Variants in KCNMA1 observed in about 807,000 individuals in gnomAD.
The protein encoded by KCNMA1 is Calcium-activated potassium channel subunit alpha-1.
A neutral mutation model predicts 140.0 loss-of-function variants in KCNMA1; 29 were observed. The ratio of observed to expected loss-of-function variants is 0.21; its 90% confidence interval spans 0.15 to 0.28. The LOEUF is 0.28. Ranked by LOEUF, KCNMA1 falls within the 10% of genes least tolerant of loss-of-function variation. The pLI is 1.00. For synonymous variants in KCNMA1, 612 were observed against 611.9 expected (o/e 1.00, Z 0.00); for missense variants, 880 against 1,602.2 (o/e 0.55, Z 7.70).
intron 2 of KCNMA1, among the ~76,000 whole-genome samples, chr10:77,300,718 C>G (rs2076330550): frequency 6.6e-6 from 1 of 152,292 alleles, no homozygotes; most frequent in Non-Finnish European, 1.5e-5. Context: ...CTCACTTCTT[C>G]CTGGGTAATT....
chr10:77,151,202 CTCTCTCTT>C (rs966430826), intron 5 of KCNMA1, among the ~76,000 whole-genome samples: 16 of 40,548 alleles, frequency 3.9e-4, no homozygotes, highest in East Asian at 1.2e-3. Flanking sequence ...CTGTCTCTCT[CTCTCTCTT>C]TCTTTCTTTC....
chr10:76,973,332 C>T (rs1239107457), intron 19 of KCNMA1: 1 of 152,564 alleles, frequency 6.6e-6, no homozygotes, highest in Non-Finnish European at 1.5e-5. Flanking sequence ...TTTTGCACAT[C>T]CCTAAGTATA....
At chr10:76,951,815 A>T (rs2066357233) in intron 21 of KCNMA1, among the ~76,000 whole-genome samples, 2 of 152,094 alleles carry the variant, frequency 1.3e-5, no homozygotes, top group South Asian at 4.1e-4. Flanking sequence ...TCATTTGTCT[A>T]CCTAGAGATA....
At chr10:76,952,046 CT>C in intron 21 of KCNMA1, 1 of 1,552,078 alleles carries the variant, frequency 6.4e-7, no homozygotes, top group Non-Finnish European at 8.7e-7. Context: ...CCTCCTTAAA[CT>C]TTTTTATGCT....
At chr10:77,279,762 T>C (rs2154293954) in intron 2 of KCNMA1, among the ~76,000 whole-genome samples, 1 of 152,210 alleles carries the variant, frequency 6.6e-6, no homozygotes, top group Admixed American at 6.5e-5. Context: ...GTCTTTCCCA[T>C]GCTGTTCTCA....
chr10:77,513,545 T>G (rs1005309936), intron 1 of KCNMA1, among the ~76,000 whole-genome samples: 1 of 152,094 alleles, frequency 6.6e-6, no homozygotes, highest in Non-Finnish European at 1.5e-5. Flanking sequence ...AAGTGCTGCA[T>G]AAATGTAAGA....
intron 23 of KCNMA1, among the ~76,000 whole-genome samples, chr10:76,924,457 A>G (rs2057053231): frequency 1.3e-5 from 2 of 152,162 alleles, no homozygotes; most frequent in Admixed American, 1.3e-4. Context: ...TAATTGCTAA[A>G]TTTTCTAAAA....
At chr10:77,008,946 C>T (rs1379233082) in intron 18 of KCNMA1, among the ~76,000 whole-genome samples, 1 of 152,214 alleles carries the variant, frequency 6.6e-6, no homozygotes, top group African/African-American at 2.4e-5. Context: ...ACTTGCCTGA[C>T]CTACATGGGG....
intron 1 of KCNMA1, among the ~76,000 whole-genome samples, chr10:77,613,201 G>C (rs1168674341): frequency 6.6e-6 from 1 of 152,168 alleles, no homozygotes; most frequent in Non-Finnish European, 1.5e-5. Flanking sequence ...GGCCAGCTCA[G>C]AATGTGATAT....
At chr10:77,567,063 C>T (rs1030099576) in intron 1 of KCNMA1, among the ~76,000 whole-genome samples, 10 of 152,112 alleles carry the variant, frequency 6.6e-5, no homozygotes, top group Admixed American at 5.9e-4. Context: ...GAGCTCAGGC[C>T]CTGGGGGAGC....
chr10:77,273,514 G>C (rs1181475233), intron 2 of KCNMA1, among the ~76,000 whole-genome samples: 1 of 152,158 alleles, frequency 6.6e-6, no homozygotes, highest in Non-Finnish European at 1.5e-5. Flanking sequence ...AAATTTTATA[G>C]CAACCTGAAA....
At chr10:77,303,275 C>A (rs1412843458) in intron 2 of KCNMA1, among the ~76,000 whole-genome samples, 1 of 152,026 alleles carries the variant, frequency 6.6e-6, no homozygotes, top group Admixed American at 6.6e-5. Context: ...CTTGTATAGT[C>A]CTTAGGGGAA....
intron 5 of KCNMA1, among the ~76,000 whole-genome samples, chr10:77,132,381 C>A (rs561307782): frequency 3.4e-4 from 52 of 152,164 alleles, no homozygotes; most frequent in Middle Eastern, 6.8e-3. Flanking sequence ...TTTTCCACAT[C>A]CATGTAATTG....
At chr10:77,040,080 A>G (rs1188872082) in intron 14 of KCNMA1, among the ~76,000 whole-genome samples, 2 of 149,800 alleles carry the variant, frequency 1.3e-5, no homozygotes, top group South Asian at 2.1e-4. Context: ...GAGTCTTGCT[A>G]TGTTGCCCAG....
intron 3 of KCNMA1, among the ~76,000 whole-genome samples, chr10:77,185,287 T>G (rs2154128854): frequency 6.6e-6 from 1 of 152,230 alleles, no homozygotes; most frequent in Non-Finnish European, 1.5e-5. Context: ...AACTTCTTTC[T>G]TTCTTTGAGA....
rs766108424 is a variant in KCNMA1 at position 76,891,642 on chromosome 10, C to G, written c.3225G>C (p.Leu1075=). The change falls in exon 26 of 28, where the codon CTG becomes CTC. Residue 1075 remains leucine, a synonymous_variant. Coordinates refer to ENST00000286628, the MANE Select transcript of KCNMA1 (RefSeq NM_001161352.2). ...CTCTAAGGGCGTTTTCCTCAGCAAT[C>G]AGAGCCTCCAGCTCCGGCGTGGCTC... ...TGGATPELEA[L]IAEENALRGG... is the part of the protein sequence containing the mutation. The G allele has an allele frequency of 1.9e-6, 3 of 1,614,044 alleles. No homozygotes were observed. The highest frequency in any genetic ancestry group is 2.5e-6 in the Non-Finnish European group (3 of 1,180,022).
At chr10:77,165,425 A>AT (rs886491865) in intron 5 of KCNMA1, among the ~76,000 whole-genome samples, 18 of 152,192 alleles carry the variant, frequency 1.2e-4, no homozygotes, top group Admixed American at 1.1e-3. Flanking sequence ...ACATTTGTTC[A>AT]TTTTTTGAAG....
At chr10:77,502,250 C>T (rs2044184985) in intron 1 of KCNMA1, among the ~76,000 whole-genome samples, 1 of 152,196 alleles carries the variant, frequency 6.6e-6, no homozygotes, top group Non-Finnish European at 1.5e-5. Context: ...ACCAGAAATG[C>T]CTTTTCTTCA....
chr10:77,458,288 A>G (rs2097792876), intron 1 of KCNMA1, among the ~76,000 whole-genome samples: 1 of 152,182 alleles, frequency 6.6e-6, no homozygotes. Flanking sequence ...AGCCCTATCT[A>G]TGAGCTCCCT....
Sources: allele counts gnomAD v4.1 joint callset (sites outside exome capture counted in the v4.1 genomes callset), GRCh38; gene constraint gnomAD v4.1.1; transcripts MANE v1.5; gene names NCBI Gene and HGNC (gene_info 2026-07-23, HGNC 2026-07-21).